Variants in ALG1L2 observed in about 807,000 individuals in gnomAD.
ALG1L2 encodes the protein putative glycosyltransferase ALG1L2.
In ALG1L2, 32 loss-of-function variants were observed where a neutral mutation model predicts 29.0. The observed-to-expected ratio is 1.10, with a 90% CI of 0.83 to 1.48. ALG1L2 has a LOEUF of 1.48. Ranked by LOEUF, ALG1L2 falls within the 40% of genes most tolerant of loss-of-function variation. The pLI, the probability that ALG1L2 is intolerant of heterozygous loss-of-function variation, is 0.00. For synonymous variants in ALG1L2, 110 were observed against 109.5 expected, an observed-to-expected ratio of 1.00 and a Z score of -0.03; for missense variants, 318 against 274.1, an observed-to-expected ratio of 1.16 and a Z score of -1.13.
chr3:130,096,756 T>G (rs73866092), intron 6 of ALG1L2, among the ~76,000 whole-genome samples: 2 of 151,968 alleles, frequency 1.3e-5, no homozygotes, highest in Non-Finnish European at 2.9e-5. Context: ...TTCAGGGATG[T>G]GAGCCTCTCG....
chr3:130,092,252 T>C (rs765956318), intron 3 of ALG1L2, 30 bp downstream of exon 3: 1 of 1,601,972 alleles, frequency 6.2e-7, no homozygotes, highest in Non-Finnish European at 8.5e-7. Flanking sequence ...CACTTGGGGT[T>C]GGTGTGAAGG....
At chr3:130,088,663 G>A (rs113066524) in intron 1 of ALG1L2, among the ~76,000 whole-genome samples, 7 of 138,814 alleles carry the variant, frequency 5.0e-5, no homozygotes, top group East Asian at 4.2e-4. Flanking sequence ...GGTGATCCAC[G>A]CACCTTGGCT....
At position 130,093,975 on chromosome 3, in the gene ALG1L2, G is replaced by A. The variant is rs530665960; in HGVS notation, c.314-428G>A. 8 of 249,010 alleles carry A rather than the reference G, an allele frequency of 3.2e-5. No homozygotes were observed. The South Asian group carries it at 3.4e-4, about 11-fold the overall frequency. 15.4% of individuals were successfully genotyped at this position (249,010 alleles called of 1,614,324 possible). A position where few individuals can be genotyped will look rare whatever the true frequency, so the allele number is the denominator to read the frequency against. On this transcript the variant is annotated intron_variant, in intron 4 of 7. Coordinates refer to ENST00000425059, the MANE Select transcript of ALG1L2 (RefSeq NM_001136152.1). Reference sequence around the variant, plus strand: ...GCTGTGGCAGGGCAGGTGCGGCTTGGAACCCGCGCCATGTGCTCTGGGGGC... The same window carrying A: ...GCTGTGGCAGGGCAGGTGCGGCTTGAAACCCGCGCCATGTGCTCTGGGGGC...
Position 130,091,293 on chromosome 3 carries a change from T to C in ALG1L2, c.53T>C (p.Phe18Ser). The part of the protein sequence containing the change: ...AVTVYDKPAS[F>S]FKEAPLDLQH... ...ACCGTCTACGACAAGCCGGCATCTTTCTTTAAAGAGGCACCTCTGGACCTG... is the reference window on the plus strand; with the variant it reads ...ACCGTCTACGACAAGCCGGCATCTTCCTTTAAAGAGGCACCTCTGGACCTG... Residue 18 changes from phenylalanine to serine, a missense_variant, in exon 2 of 8, where the codon TTC (phenylalanine) becomes TCC (serine). By Grantham distance (155) the Phe-to-Ser change is radical. Transcript: ENST00000425059. 6.3e-7 allele frequency: 1 copy of C among 1,599,422 alleles called. No individual in the cohort carries two copies. The highest frequency in any genetic ancestry group is 8.5e-7 in the Non-Finnish European group (1 of 1,179,776).
At chr3:130,091,714 C>T in intron 2 of ALG1L2, 1 of 552,946 alleles carries the variant, frequency 1.8e-6, no homozygotes, top group South Asian at 1.7e-5. Context: ...GATCTGTGGA[C>T]CTGTGTGTCC....
chr3:130,094,127 G>C, intron 4 of ALG1L2: 1 of 476,000 alleles, frequency 2.1e-6, no homozygotes, highest in Non-Finnish European at 3.9e-6. Context: ...GTGGGTGGTC[G>C]CGTGCCAGGC....
chr3:130,091,347 G>A lies in ALG1L2; in HGVS notation c.107G>A (p.Ser36Asn), dbSNP rs1232797404. ...LQHRLFMKLGSTHSPFRARSE... is the reference protein window; with the variant it reads ...LQHRLFMKLGNTHSPFRARSE... The stretch of plus-strand genomic sequence containing the variant: ...CACCGGCTCTTCATGAAGCTGGGCA[G>A]CACGCACTCTCCGTTCAGGGCCCGG... Residue 36 changes from serine (S) to asparagine (N), a missense_variant, in exon 2 of 8, where the codon AGC becomes AAC. Ser to Asn is a conservative substitution (Grantham distance 46). Coordinates refer to ENST00000425059, the MANE Select transcript of ALG1L2 (RefSeq NM_001136152.1). 2 of 1,597,356 alleles carry A rather than the reference G, an allele frequency of 1.3e-6. No homozygotes were observed. Among genetic ancestry groups the A allele is most frequent in the East Asian group, 2.2e-5 (1 of 44,888 alleles).
intron 5 of ALG1L2, among the ~76,000 whole-genome samples, chr3:130,095,247 T>A (rs995975915): frequency 1.3e-5 from 2 of 152,040 alleles, no homozygotes; most frequent in East Asian, 3.9e-4. Flanking sequence ...GCCAGGCTGG[T>A]CTTGAACTCC....
chr3:130,094,312 G>A (rs1223254647), intron 4 of ALG1L2, 91 bp from the exon 5 acceptor site: 93 of 1,486,332 alleles, frequency 6.3e-5, no homozygotes, highest in Non-Finnish European at 5.8e-5. Context: ...TCTGGGAAAA[G>A]GATCCCTCCT....
At chr3:130,090,138 C>A (rs1321457514) in intron 1 of ALG1L2, among the ~76,000 whole-genome samples, 1 of 152,276 alleles carries the variant, frequency 6.6e-6, no homozygotes, top group Admixed American at 6.5e-5. Context: ...GGAGGATTAC[C>A]TGAGGTCAGC....
intron 1 of ALG1L2, among the ~76,000 whole-genome samples, chr3:130,085,020 G>A (rs1344224195): frequency 7.6e-6 from 1 of 131,620 alleles, no homozygotes; most frequent in Non-Finnish European, 1.8e-5. Context: ...GTGCGGTGGT[G>A]CAATCTTGGC....
intron 2 of ALG1L2, chr3:130,091,890 A>T (rs1277225102): frequency 1.6e-5 from 13 of 800,342 alleles, no homozygotes; most frequent in Non-Finnish European, 2.5e-5. Context: ...GGAATTAGTC[A>T]GTCTTGTTTG....
At chr3:130,093,699 T>C (rs1935068021) in intron 4 of ALG1L2, among the ~76,000 whole-genome samples, 1 of 152,286 alleles carries the variant, frequency 6.6e-6, no homozygotes, top group Non-Finnish European at 1.5e-5. Context: ...GCTGAAATTA[T>C]AGATATGAAC....
At chr3:130,086,088 G>A (rs758956109) in intron 1 of ALG1L2, among the ~76,000 whole-genome samples, 95 of 151,570 alleles carry the variant, frequency 6.3e-4, no homozygotes, top group Non-Finnish European at 1.2e-3. Flanking sequence ...AAATCACCAC[G>A]ATCCCCTCTT....
intron 1 of ALG1L2, among the ~76,000 whole-genome samples, chr3:130,084,913 A>G (rs1934858742): frequency 7.7e-6 from 1 of 129,520 alleles, no homozygotes; most frequent in South Asian, 2.4e-4. Context: ...ACATATATGT[A>G]GTGTGTGTGT....
At chr3:130,093,243 A>T in intron 4 of ALG1L2, 83 bp downstream of exon 4, 1 of 1,491,098 alleles carries the variant, frequency 6.7e-7, no homozygotes, top group Non-Finnish European at 9.3e-7. Context: ...TGTGCTTCCC[A>T]CGATCTTGTC....
intron 1 of ALG1L2, among the ~76,000 whole-genome samples, chr3:130,084,693 C>T (rs780067614): frequency 2.3e-5 from 3 of 127,876 alleles, no homozygotes; most frequent in Admixed American, 8.4e-5. Context: ...CATCGTCTTA[C>T]ACCTGCAGGC....
intron 7 of ALG1L2, 26 bp downstream of exon 7, chr3:130,097,276 G>C (rs1324156130): frequency 1.2e-6 from 2 of 1,602,506 alleles, no homozygotes; most frequent in Admixed American, 1.7e-5. Flanking sequence ...ACCACGCCAG[G>C]GTGGACAGGG....
rs1395834186 is a variant in ALG1L2 at position 130,092,227 on chromosome 3, G to T, written c.253+5G>T. The T allele has an allele frequency of 1.9e-6, 3 of 1,609,138 alleles. No individual in the cohort carries two copies. In the South Asian group the frequency reaches 3.3e-5, roughly 18 times the overall value. On this transcript the variant is annotated splice_donor_5th_base_variant and intron_variant, in intron 3 of 7. Coordinates refer to ENST00000425059, the MANE Select transcript of ALG1L2 (RefSeq NM_001136152.1). ...TCAGCAGCACAAGCTGGACAGGTCT[G>T]CATGACCACTGGGGCACTTGGGGTT...
Sources: gnomAD v4.1 joint callset for allele counts (sites outside exome capture counted in the v4.1 genomes callset) on GRCh38, gnomAD v4.1.1 for gene constraint, MANE v1.5 for transcripts, NCBI Gene and HGNC (gene_info 2026-07-23, HGNC 2026-07-21) for gene names.